Variants in PARD3 observed in about 807,000 individuals in gnomAD.
PARD3 encodes the protein par-3 family cell polarity regulator.
PARD3 carries 75 observed loss-of-function variants against 155.4 expected under a neutral mutation model. That is an observed-to-expected ratio of 0.48 (90% CI 0.40 to 0.58). The LOEUF is 0.58. Among genes scored for constraint, PARD3 ranks in the 20% least tolerant of loss-of-function variants. The pLI is 0.00. For synonymous variants in PARD3, 576 were observed against 610.5 expected (o/e 0.94, Z 0.83); for missense variants, 1,642 against 1,721.7 (o/e 0.95, Z 0.82).
intron 22 of PARD3, among the ~76,000 whole-genome samples, chr10:34,196,288 C>G (rs1483217631): frequency 6.6e-6 from 1 of 152,146 alleles, no homozygotes; most frequent in Admixed American, 6.5e-5. Flanking sequence ...GAATAGAGTG[C>G]TTTAAGCTCC....
chr10:34,170,746 T>A (rs780187323), intron 22 of PARD3, among the ~76,000 whole-genome samples: 3 of 152,134 alleles, frequency 2.0e-5, no homozygotes, highest in Non-Finnish European at 4.4e-5. Flanking sequence ...AAAAGAGGAT[T>A]ATGAGAAAGC....
intron 2 of PARD3, among the ~76,000 whole-genome samples, chr10:34,593,754 G>A (rs1227457785): frequency 1.2e-4 from 19 of 152,172 alleles, no homozygotes; most frequent in Non-Finnish European, 4.4e-5. Context: ...AGTACCACCT[G>A]CACAGGGAAG....
chr10:34,760,610 G>T (rs185113695), intron 1 of PARD3, among the ~76,000 whole-genome samples: 1 of 152,314 alleles, frequency 6.6e-6, no homozygotes, highest in East Asian at 1.9e-4. Flanking sequence ...GGGATTACAG[G>T]CATGTGCACT....
intron 22 of PARD3, among the ~76,000 whole-genome samples, chr10:34,243,468 T>C (rs1376019206): frequency 6.6e-6 from 1 of 152,232 alleles, no homozygotes; most frequent in African/African-American, 2.4e-5. Context: ...TATGATGTGC[T>C]AAAACGAAAT....
chr10:34,597,068 T>A (rs2134430469), intron 2 of PARD3, among the ~76,000 whole-genome samples: 1 of 152,240 alleles, frequency 6.6e-6, no homozygotes, highest in East Asian at 1.9e-4. Flanking sequence ...AAGGAAAAGA[T>A]TCTGGGTGTT....
chr10:34,309,324 AGAGGCCAGAGGATTGCTT>A (rs1325482559), intron 20 of PARD3, among the ~76,000 whole-genome samples: 2 of 152,054 alleles, frequency 1.3e-5, no homozygotes, highest in South Asian at 2.1e-4. Flanking sequence ...GCTGGGAGGC[AGAGGCCAGAGGATTGCTT>A]GAGGCCAGAA....
rs1271244086 is a variant in PARD3, at chr10:34,267,207, G to A, written c.3419+2450C>T. ...TTTCTCCCAGGAAAACAATTCCAAT[G>A]GGACATTCATGGCCTTCAAATGCTG... On this transcript the variant is annotated intron_variant, in intron 22 of 24. Transcript: ENST00000374788. Among the ~76,000 whole-genome samples, 4 of 152,010 alleles carry A rather than the reference G, an allele frequency of 2.6e-5. No homozygotes were observed. In the East Asian group the frequency reaches 7.7e-4, roughly 29 times the overall value.
chr10:34,174,137 T>G (rs542988088), intron 22 of PARD3, among the ~76,000 whole-genome samples: 1 of 152,142 alleles, frequency 6.6e-6, no homozygotes, highest in African/African-American at 2.4e-5. Flanking sequence ...ATTAGGAAAA[T>G]GTACTTCAGC....
chr10:34,233,585 G>T (rs1473173433), intron 22 of PARD3, among the ~76,000 whole-genome samples: 3 of 152,026 alleles, frequency 2.0e-5, no homozygotes, highest in Non-Finnish European at 4.4e-5. Flanking sequence ...CACTTACAAT[G>T]CTCTAAGCCT....
At chr10:34,346,240 G>C in intron 15 of PARD3, 1 of 1,143,414 alleles carries the variant, frequency 8.7e-7, no homozygotes, top group Non-Finnish European at 1.1e-6. Context: ...TAACAAAATC[G>C]GGGCAACAGA....
At chr10:34,348,418 T>C (rs955068681) in intron 14 of PARD3, among the ~76,000 whole-genome samples, 9 of 152,228 alleles carry the variant, frequency 5.9e-5, no homozygotes, top group African/African-American at 2.2e-4. Flanking sequence ...ATTTGACCGT[T>C]AGTGTCTGTT....
chr10:34,751,410 G>A (rs1836014520), intron 1 of PARD3, among the ~76,000 whole-genome samples: 1 of 152,166 alleles, frequency 6.6e-6, no homozygotes, highest in Admixed American at 6.5e-5. Flanking sequence ...CCAGTTCTGG[G>A]AAGGCCTCTA....
At chr10:34,133,872 T>C (rs1484517634) in intron 22 of PARD3, among the ~76,000 whole-genome samples, 4 of 152,228 alleles carry the variant, frequency 2.6e-5, no homozygotes, top group Admixed American at 2.6e-4. Context: ...TGTACCTTCA[T>C]GTATCAATTT....
chr10:34,556,584 G>GTCTCCAGGA (rs1436607924), intron 2 of PARD3, among the ~76,000 whole-genome samples: 52 of 151,884 alleles, frequency 3.4e-4, no homozygotes, highest in Non-Finnish European at 5.2e-4. Context: ...GGGTTTCACC[G>GTCTCCAGGA]TGTTAGCCAG....
At chr10:34,612,731 C>G (rs1340512471) in intron 2 of PARD3, among the ~76,000 whole-genome samples, 1 of 152,148 alleles carries the variant, frequency 6.6e-6, no homozygotes, top group East Asian at 1.9e-4. Context: ...GTACCAGACA[C>G]AATGAATAAA....
intron 16 of PARD3, among the ~76,000 whole-genome samples, chr10:34,339,832 T>C (rs1359365829): frequency 6.6e-6 from 1 of 152,158 alleles, no homozygotes; most frequent in Non-Finnish European, 1.5e-5. Context: ...CCACTAAACT[T>C]ATTTCAGACA....
chr10:34,288,162 G>A (rs1956492160), intron 20 of PARD3, among the ~76,000 whole-genome samples: 1 of 152,152 alleles, frequency 6.6e-6, no homozygotes, highest in Non-Finnish European at 1.5e-5. Context: ...AGTGATCCAT[G>A]ATTGTGCCAC....
intron 7 of PARD3, among the ~76,000 whole-genome samples, chr10:34,385,883 G>A (rs1842299217): frequency 6.6e-6 from 1 of 152,148 alleles, no homozygotes; most frequent in South Asian, 2.1e-4. Flanking sequence ...CTGAATGAAG[G>A]CATGATTGAG....
chr10:34,191,108 G>A (rs184974694), intron 22 of PARD3, among the ~76,000 whole-genome samples: 139 of 152,140 alleles, frequency 9.1e-4, no homozygotes, highest in African/African-American at 2.9e-3. Context: ...GTGGAGAAAG[G>A]AGTGAGGAAG....
Sources: allele counts gnomAD v4.1 joint callset (sites outside exome capture counted in the v4.1 genomes callset), GRCh38; gene constraint gnomAD v4.1.1; transcripts MANE v1.5; gene names NCBI Gene and HGNC (gene_info 2026-07-23, HGNC 2026-07-21).